EIPR1: variants seen among roughly 807,000 people sequenced by gnomAD.
The protein encoded by EIPR1 is EARP and GARP complex-interacting protein 1.
A neutral mutation model predicts 48.1 loss-of-function variants in EIPR1; 25 were observed. The ratio of observed to expected loss-of-function variants is 0.52; its 90% CI spans 0.38 to 0.73. The LOEUF is 0.73. EIPR1 is among the 30% of genes least tolerant of loss of function. EIPR1 has a pLI of 0.00. For missense variants in EIPR1, 415 were observed against 506.2 expected, an observed-to-expected ratio of 0.82 and a Z score of 1.73; for synonymous variants, 204 against 201.9, an observed-to-expected ratio of 1.01 and a Z score of -0.09.
chr2:3,323,719 G>A (rs777199950), intron 3 of EIPR1, among the ~76,000 whole-genome samples: 1 of 152,212 alleles, frequency 6.6e-6, no homozygotes, highest in Non-Finnish European at 1.5e-5. Context: ...GAGTCTGGAT[G>A]GGCCCAGGTT....
intron 3 of EIPR1, among the ~76,000 whole-genome samples, chr2:3,281,856 C>A (rs1668020045): frequency 6.6e-6 from 1 of 152,006 alleles, no homozygotes; most frequent in South Asian, 2.1e-4. Flanking sequence ...AGAGAAAAAA[C>A]AAACAAAAAA....
intron 5 of EIPR1, 117 bp from the exon 6 acceptor site, chr2:3,197,134 G>C: frequency 8.7e-7 from 1 of 1,147,534 alleles, no homozygotes; most frequent in Non-Finnish European, 1.2e-6. Context: ...TAATTACTGA[G>C]GATAATTAGG....
At chr2:3,319,149 C>T in intron 3 of EIPR1, 1 of 344,304 alleles carries the variant, frequency 2.9e-6, no homozygotes, top group Non-Finnish European at 5.8e-6. Context: ...AGTTACATCT[C>T]CATCCTGCGT....
At chr2:3,257,177 T>C (rs1489982218) in intron 4 of EIPR1, 122 bp downstream of exon 4, 7 of 1,152,414 alleles carry the variant, frequency 6.1e-6, no homozygotes, top group Non-Finnish European at 2.3e-6. Context: ...CTCGCAGCTT[T>C]TTAAAAGAAA....
rs1024588516 is a variant in EIPR1, at chr2:3,250,688, G to T, written c.416+6611C>A. ...GAGGCATGGCCTAGTGGGAGGTACTGGACCACAGGGGCGGATCCCTCATGA... is the reference window on the plus strand; with the variant it reads ...GAGGCATGGCCTAGTGGGAGGTACTTGACCACAGGGGCGGATCCCTCATGA... On this transcript the variant is annotated intron_variant, in intron 4 of 8. Coordinates refer to ENST00000382125, the MANE Select transcript of EIPR1 (RefSeq NM_003310.5). Among the ~76,000 whole-genome samples, 6 of 152,328 alleles carry T rather than the reference G, an allele frequency of 3.9e-5. No individual in the cohort carries two copies. In the South Asian group the frequency reaches 1.2e-3, roughly 32 times the overall value.
At chr2:3,224,357 C>G (rs530654824) in intron 4 of EIPR1, among the ~76,000 whole-genome samples, 20 of 152,298 alleles carry the variant, frequency 1.3e-4, no homozygotes, top group Non-Finnish European at 4.4e-5. Flanking sequence ...ACCATGCGCC[C>G]GGCTTTACCT....
At chr2:3,232,788 G>A (rs943049703) in intron 4 of EIPR1, among the ~76,000 whole-genome samples, 2 of 152,124 alleles carry the variant, frequency 1.3e-5, no homozygotes, top group African/African-American at 2.4e-5. Flanking sequence ...TATCTACTCC[G>A]TCTCTGTTTC....
In EIPR1 at chr2:3,334,216, A is replaced by C. The variant is rs2103345616; in HGVS notation, c.259+3801T>G. Among the ~76,000 whole-genome samples the C allele has an allele frequency of 2.0e-5, 3 of 152,320 alleles. No homozygotes were observed. In the South Asian group the frequency reaches 6.2e-4, roughly 32 times the overall value. On this transcript the variant is annotated intron_variant, in intron 3 of 8. Transcript: ENST00000382125. ...CAGGGTAAAAGCACAATAGGAGAAA[A>C]CACTACTGGAAGACAAAGAGGATAA...
intron 4 of EIPR1, among the ~76,000 whole-genome samples, chr2:3,227,112 A>G (rs1485022412): frequency 6.6e-6 from 1 of 152,110 alleles, no homozygotes; most frequent in African/African-American, 2.4e-5. Flanking sequence ...TGGAAGTGAC[A>G]TTAGAACTGG....
intron 2 of EIPR1, among the ~76,000 whole-genome samples, chr2:3,340,712 C>T (rs1670213152): frequency 6.6e-6 from 1 of 152,170 alleles, no homozygotes; most frequent in African/African-American, 2.4e-5. Flanking sequence ...ATAGACCCTA[C>T]AAACACCAAA....
intron 1 of EIPR1, among the ~76,000 whole-genome samples, chr2:3,376,244 G>A (rs545040711): frequency 2.6e-5 from 4 of 152,330 alleles, no homozygotes; most frequent in Admixed American, 6.5e-5. Flanking sequence ...CAGCCATGAG[G>A]TGGGGGGGAG....
chr2:3,301,947 G>A (rs977323563), intron 3 of EIPR1, among the ~76,000 whole-genome samples: 9 of 152,190 alleles, frequency 5.9e-5, no homozygotes, highest in Admixed American at 2.0e-4. Context: ...GCGGAGCAGC[G>A]CATCAGTTAG....
intron 3 of EIPR1, among the ~76,000 whole-genome samples, chr2:3,327,404 G>A (rs374496756): frequency 2.6e-5 from 4 of 152,246 alleles, no homozygotes; most frequent in South Asian, 2.1e-4. Flanking sequence ...GGCTTGTCTC[G>A]AGCTCCTGAC....
chr2:3,278,501 C>G (rs924605714), intron 3 of EIPR1, among the ~76,000 whole-genome samples: 2 of 152,192 alleles, frequency 1.3e-5, no homozygotes, highest in Non-Finnish European at 2.9e-5. Context: ...AAGCCCTGTC[C>G]TCCCCAGTCC....
chr2:3,353,339 A>G (rs1186214714), intron 2 of EIPR1: 1 of 469,852 alleles, frequency 2.1e-6, no homozygotes, highest in Admixed American at 2.4e-5. Flanking sequence ...AAGAGATTCA[A>G]TTGTGCACTT....
At chr2:3,264,511 T>C (rs1038331838) in intron 3 of EIPR1, among the ~76,000 whole-genome samples, 3 of 152,158 alleles carry the variant, frequency 2.0e-5, no homozygotes, top group Admixed American at 2.0e-4. Context: ...CAAGCACTGC[T>C]AGGGAAGTGT....
At chr2:3,214,498 G>T in intron 4 of EIPR1, 1 of 382,068 alleles carries the variant, frequency 2.6e-6, no homozygotes. Flanking sequence ...GTGTGATGCT[G>T]CAGAGGTTCG....
At chr2:3,370,120 G>T (rs548473325) in intron 1 of EIPR1, among the ~76,000 whole-genome samples, 1 of 152,298 alleles carries the variant, frequency 6.6e-6, no homozygotes, top group African/African-American at 2.4e-5. Flanking sequence ...CTGATACCCA[G>T]GCAAACAGGG....
intron 3 of EIPR1, among the ~76,000 whole-genome samples, chr2:3,288,042 G>A (rs982106581): frequency 5.3e-5 from 8 of 152,332 alleles, no homozygotes; most frequent in South Asian, 2.1e-4. Flanking sequence ...CCCGTGGCCC[G>A]AGTCTGCTGT....
Sources: allele counts gnomAD v4.1 joint callset (sites outside exome capture counted in the v4.1 genomes callset), GRCh38; gene constraint gnomAD v4.1.1; transcripts MANE v1.5; gene names NCBI Gene and HGNC (gene_info 2026-07-23, HGNC 2026-07-21).